ZAN: variants seen among roughly 807,000 people sequenced by gnomAD.
The protein encoded by ZAN is zonadhesin (gene/pseudogene).
A neutral mutation model predicts 286.2 loss-of-function variants in ZAN; 260 were observed. The observed-to-expected ratio is 0.91, with a 90% CI of 0.82 to 1.01. The LOEUF is 1.01. ZAN is among the 50% of genes least tolerant of loss of function. ZAN has a pLI of 0.00. For missense variants in ZAN, 3,410 were observed against 3,639.2 expected, an observed-to-expected ratio of 0.94 and a Z score of 1.62; for synonymous variants, 1,368 against 1,417.5, an observed-to-expected ratio of 0.97 and a Z score of 0.79.
At chr7:100,775,945 C>G in intron 33 of ZAN, 112 bp downstream of exon 33, 1 of 1,365,396 alleles carries the variant, frequency 7.3e-7, no homozygotes, top group South Asian at 1.4e-5. Context: ...GGCCACTCCT[C>G]AGGATGGAGC....
chr7:100,792,982 C>CAAAAAAAAAAAA (rs1232116032), intron 42 of ZAN, among the ~76,000 whole-genome samples: 87 of 50,752 alleles, frequency 1.7e-3, no homozygotes, highest in South Asian at 4.8e-3. Context: ...CATCCTATCT[C>CAAAAAAAAAAAA]AAAAAAAAAA....
At chr7:100,795,386 A>G in intron 45 of ZAN, 50 bp downstream of exon 45, 1 of 1,459,276 alleles carries the variant, frequency 6.9e-7, no homozygotes, top group Non-Finnish European at 9.1e-7. Context: ...TTCCTGGCCG[A>G]CAACCACAGA....
In ZAN at chr7:100,793,973, T is replaced by C; in HGVS notation, c.7941T>C (p.Pro2647=). The stretch of plus-strand genomic sequence containing the variant: ...TATGCCTACAGTGGCACCCAGAGCC[T>C]CCCCTGGCTGACTGTGGCTGCACCA... ...PRLCLQWHPE[P]PLADCGCTSN... Residue 2647 remains proline (P), a synonymous_variant, in exon 43 of 48, where the codon CCT becomes CCC. Coordinates refer to ENST00000613979, the MANE Select transcript of ZAN (RefSeq NM_003386.3). The C allele has an allele frequency of 6.2e-7, 1 of 1,613,644 alleles. No homozygotes were observed. Among genetic ancestry groups the C allele is most frequent in the South Asian group, 1.1e-5 (1 of 91,074 alleles).
intron 32 of ZAN, 24 bp downstream of exon 32, chr7:100,775,599 GC>G: frequency 6.2e-7 from 1 of 1,611,872 alleles, no homozygotes; most frequent in African/African-American, 1.3e-5. Flanking sequence ...GGTGACCGGG[GC>G]TGGGAGGGAG....
chr7:100,752,729 C>A lies in ZAN; in HGVS notation c.2624C>A (p.Thr875Lys). 6.5e-7 allele frequency: 1 copy of A among 1,543,144 alleles called. No individual in the cohort carries two copies. The highest frequency in any genetic ancestry group is 8.8e-7 in the Non-Finnish European group (1 of 1,133,570). Residue 875 changes from threonine (T) to lysine (K), a missense_variant, in exon 14 of 48, where the codon ACG becomes AAG. This residue lies in a region of ZAN where 51 missense variants were observed against 105.2 expected (regional missense o/e 0.48). Coordinates refer to ENST00000613979, the MANE Select transcript of ZAN (RefSeq NM_003386.3). Reference sequence around the variant, plus strand: ...TCCCCAGAAAAACTCACCATCCCCACGGAAAAACTCACCATCCCCACGGAA... The same window carrying A: ...TCCCCAGAAAAACTCACCATCCCCAAGGAAAAACTCACCATCCCCACGGAA... ...TISPEKLTIP[T>K]EKLTIPTEKP... is the part of the protein sequence containing the mutation.
chr7:100,777,479 C>A (rs185367959), intron 34 of ZAN, among the ~76,000 whole-genome samples: 88 of 152,256 alleles, frequency 5.8e-4, no homozygotes, highest in African/African-American at 1.9e-3. Context: ...CTCAACCTCC[C>A]GAGTAGCTGG....
At chr7:100,776,322 G>A (rs1196862480) in intron 33 of ZAN, 118 bp from the exon 34 acceptor site, 166 of 470,446 alleles carry the variant, frequency 3.5e-4, no homozygotes, top group South Asian at 9.8e-4. Flanking sequence ...TGAAGGAAGG[G>A]AGGGAGGGAG....
chr7:100,743,351 T>C (rs552647918), intron 7 of ZAN, among the ~76,000 whole-genome samples: 1 of 152,134 alleles, frequency 6.6e-6, no homozygotes, highest in South Asian at 2.1e-4. Context: ...CACCCAAGTC[T>C]ATCCCTAGCT....
rs376478423 is a variant in ZAN at position 100,748,126 on chromosome 7, T to C, written c.1024-11T>C. On this transcript the variant is annotated splice_polypyrimidine_tract_variant and intron_variant, in intron 9 of 47. Coordinates refer to ENST00000613979, the MANE Select transcript of ZAN (RefSeq NM_003386.3). ...TGTGCTCACTCCTGCTCCATCTCCC[T>C]TTCTCTCCAGTTTGCCGTGGTAGGC... 3 of 1,613,184 alleles carry C rather than the reference T, an allele frequency of 1.9e-6. No individual in the cohort carries two copies. In the African/African-American group the frequency reaches 4.0e-5, roughly 22 times the overall value.
chr7:100,747,390 A>G (rs890035514), intron 8 of ZAN, among the ~76,000 whole-genome samples, 160 bp from the exon 9 acceptor site: 4 of 152,048 alleles, frequency 2.6e-5, no homozygotes, highest in African/African-American at 9.7e-5. Context: ...CCATCTCAAA[A>G]AAAAATAATG....
rs140238171 is a variant in ZAN at position 100,793,786 on chromosome 7, C to T, written c.7788-34C>T. On this transcript the variant is annotated intron_variant, in intron 42 of 47. Coordinates refer to ENST00000613979, the MANE Select transcript of ZAN (RefSeq NM_003386.3). ...CTTGCCCCTGTTTGGCCTGCCCAGC[C>T]CCAGCCAGTTTCTGACCATGACTGT... 2.0e-3 allele frequency: 3,071 copies of T among 1,552,876 alleles called. 26 individuals are homozygous for T. The African/African-American group carries it at 0.023, about 12-fold the overall frequency.
chr7:100,768,075 G>A, intron 26 of ZAN, 64 bp downstream of exon 26: 3 of 1,534,586 alleles, frequency 2.0e-6, no homozygotes, highest in South Asian at 1.3e-5. Context: ...CCTGGTCCCA[G>A]CTCCCCCAAC....
chr7:100,767,819 C>T lies in ZAN; in HGVS notation c.4861-12C>T. On this transcript the variant is annotated splice_polypyrimidine_tract_variant and intron_variant, in intron 25 of 47. Coordinates refer to ENST00000613979, the MANE Select transcript of ZAN (RefSeq NM_003386.3). ...CCTGACTCTCCTTTCTACGTCCTCC[C>T]TGCCTCTGCAGCTGAATGGCCATCG... The T allele has an allele frequency of 5.6e-6, 9 of 1,609,852 alleles. No individual in the cohort carries two copies. The highest frequency in any genetic ancestry group is 6.8e-6 in the Non-Finnish European group (8 of 1,177,928).
chr7:100,737,345 T>C lies in ZAN; in HGVS notation c.609T>C (p.Asn203=). ...DALSIRRGSC[N]RVCMMQTCSF... ...TCTCTATCCGCCGGGGCTCCTGTAA[T>C]CGCGGTGAGTCCCTGTCCCTCCTCC... is the stretch of plus-strand genomic sequence containing the variant. Residue 203 remains asparagine, a synonymous_variant, in exon 6 of 48, where the codon AAT becomes AAC. Coordinates refer to ENST00000613979, the MANE Select transcript of ZAN (RefSeq NM_003386.3). 1.4e-6 allele frequency: 2 copies of C among 1,459,842 alleles called. No homozygotes were observed. Among genetic ancestry groups the C allele is most frequent in the Non-Finnish European group, 1.9e-6 (2 of 1,072,240 alleles). The allele number at this position is 1,459,842 out of a possible 1,614,324, so 90.4% of individuals were successfully genotyped here. A position where few individuals can be genotyped will look rare whatever the true frequency, so the allele number is the denominator to read the frequency against.
intron 19 of ZAN, among the ~76,000 whole-genome samples, chr7:100,760,846 C>T (rs144817637): frequency 5.9e-5 from 9 of 152,274 alleles, no homozygotes; most frequent in East Asian, 1.9e-4. Context: ...GTCCCATTCT[C>T]GAAGGAAGAG....
chr7:100,768,878 G>C (rs1810194693), intron 27 of ZAN, among the ~76,000 whole-genome samples, 157 bp downstream of exon 27: 1 of 152,146 alleles, frequency 6.6e-6, no homozygotes, highest in Non-Finnish European at 1.5e-5. Flanking sequence ...GACTCTCCAA[G>C]ATTGGAGTTG....
Position 100,763,707 on chromosome 7 carries a change from G to T in ZAN, c.3987-99G>T. The T allele has an allele frequency of 8.0e-7, 1 of 1,252,562 alleles. No individual in the cohort carries two copies. The highest frequency in any genetic ancestry group is 1.2e-6 in the Non-Finnish European group (1 of 859,404). The allele number at this position is 1,252,562 out of a possible 1,614,324, so 77.6% of individuals were successfully genotyped here. A position where few individuals can be genotyped will look rare whatever the true frequency, so the allele number is the denominator to read the frequency against. ...GAGGGGTTTCCCAGCTGACAGGCTG[G>T]TTTGCCGGTCCCGGCCTGCCAGCCT... On this transcript the variant is annotated intron_variant, in intron 20 of 47. Transcript: ENST00000613979. This position sits in a 1 kb window ranked among gnomAD's most constrained non-coding sequence, Gnocchi z 4.6.
At chr7:100,767,293 A>G (rs923894457) in intron 25 of ZAN, 36 bp downstream of exon 25, 10 of 1,580,270 alleles carry the variant, frequency 6.3e-6, no homozygotes, top group Non-Finnish European at 8.6e-6. Context: ...GACCCTGAAC[A>G]CCCAGCCTGC....
At position 100,765,630 on chromosome 7, in the gene ZAN, C is replaced by A. The variant is rs1584592243; in HGVS notation, c.4470+76C>A. ...CCTGCTCTCACACCCCCTGCAAGCT[C>A]TTTCTTTTCTTTTCGTTTCTTGTTT... On this transcript the variant is annotated intron_variant, in intron 23 of 47. Coordinates refer to ENST00000613979, the MANE Select transcript of ZAN (RefSeq NM_003386.3). 4.8e-6 allele frequency: 7 copies of A among 1,455,056 alleles called. No homozygotes were observed. The East Asian group carries it at 9.9e-5, about 21-fold the overall frequency. The allele number at this position is 1,455,056 out of a possible 1,614,324, so 90.1% of individuals were successfully genotyped here.
Sources: allele counts gnomAD v4.1 joint callset (sites outside exome capture counted in the v4.1 genomes callset), GRCh38; gene constraint gnomAD v4.1.1; regional missense constraint gnomAD v4.1.1; non-coding constraint Gnocchi (gnomAD v3.1); transcripts MANE v1.5; gene names NCBI Gene and HGNC (gene_info 2026-07-23, HGNC 2026-07-21).